Variants in PKP4 observed in about 807,000 individuals in gnomAD.
The protein encoded by PKP4 is plakophilin-4.
Under a neutral mutation model 145.1 loss-of-function variants are expected in PKP4, and 90 were observed. The observed-to-expected ratio is 0.62, with a 90% confidence interval of 0.52 to 0.74. The LOEUF is 0.74. Among genes scored for constraint, PKP4 ranks in the 30% least tolerant of loss-of-function variants. The pLI is 0.00. For missense variants in PKP4, 1,340 were observed against 1,482.7 expected (o/e 0.90, Z 1.58); for synonymous variants, 563 against 577.2 (o/e 0.98, Z 0.35).
At chr2:158,581,752 A>G (rs1315675447) in intron 3 of PKP4, among the ~76,000 whole-genome samples, 6 of 152,234 alleles carry the variant, frequency 3.9e-5, no homozygotes, top group Non-Finnish European at 7.3e-5. Context: ...TCCACCTATC[A>G]GGAAATGTCC....
In PKP4 at chr2:158,566,502, T is replaced by C. The variant is rs115309344; in HGVS notation, c.133-10769T>C. Among the ~76,000 whole-genome samples, 1,266 of 145,678 alleles carry C rather than the reference T, an allele frequency of 8.7e-3. 22 individuals are homozygous for C. The highest frequency in any genetic ancestry group is 0.033 in the African/African-American group (1,208 of 37,038). On this transcript the variant is annotated intron_variant, in intron 2 of 21. Transcript: ENST00000389759. Reference sequence around the variant, plus strand: ...GAAATATATATATATAAAACCCAAATTGTTCATGTTAAGTCATTACTAGTT... The same window carrying C: ...GAAATATATATATATAAAACCCAAACTGTTCATGTTAAGTCATTACTAGTT...
intron 2 of PKP4, among the ~76,000 whole-genome samples, chr2:158,558,045 G>A (rs1432337832): frequency 1.3e-5 from 2 of 152,208 alleles, no homozygotes; most frequent in African/African-American, 4.8e-5. Flanking sequence ...GGGAGCAGCA[G>A]AGGCATGAAG....
intron 3 of PKP4, among the ~76,000 whole-genome samples, chr2:158,578,733 C>A (rs2048077712): frequency 6.6e-6 from 1 of 152,058 alleles, no homozygotes; most frequent in African/African-American, 2.4e-5. Flanking sequence ...CTTATTCTGG[C>A]AATATTACTA....
intron 2 of PKP4, among the ~76,000 whole-genome samples, chr2:158,537,791 G>A (rs2044177380): frequency 6.6e-6 from 1 of 152,156 alleles, no homozygotes; most frequent in African/African-American, 2.4e-5. Flanking sequence ...ACTTTGGGAG[G>A]CTGAGGTGGG....
At chr2:158,509,874 G>C (rs549879043) in intron 1 of PKP4, among the ~76,000 whole-genome samples, 350 of 149,636 alleles carry the variant, frequency 2.3e-3, no homozygotes, top group African/African-American at 7.7e-3. Context: ...TTGAACCCAG[G>C]ACGTGGAGGT....
chr2:158,656,441 C>T (rs2055932281), intron 11 of PKP4, among the ~76,000 whole-genome samples: 1 of 152,086 alleles, frequency 6.6e-6, no homozygotes, highest in Non-Finnish European at 1.5e-5. Flanking sequence ...AAAAGAAGAA[C>T]AGAGCAAGCT....
At position 158,645,523 on chromosome 2, in the gene PKP4, G is replaced by T. The variant is rs147009001; in HGVS notation, c.1909+2824G>T. Among the ~76,000 whole-genome samples the T allele has an allele frequency of 2.0e-3, 298 of 152,244 alleles. 1 individual carries two copies. The highest frequency in any genetic ancestry group is 6.8e-3 in the African/African-American group (283 of 41,546). On this transcript the variant is annotated intron_variant, in intron 11 of 21. Coordinates refer to ENST00000389759, the MANE Select transcript of PKP4 (RefSeq NM_003628.6). ...TGAACTTCCTGTGTCATGTCCAGTT[G>T]TCTTCCCATAGTAACACCGTGCAGC...
intron 17 of PKP4, 40 bp from the exon 18 acceptor site, chr2:158,673,635 CTG>C: frequency 1.4e-6 from 2 of 1,415,790 alleles, no homozygotes; most frequent in South Asian, 1.2e-5. Context: ...GGGGCTGAGG[CTG>C]TGTCACCCAC....
intron 1 of PKP4, among the ~76,000 whole-genome samples, chr2:158,512,049 C>A (rs1207305194): frequency 6.6e-6 from 1 of 152,116 alleles, no homozygotes; most frequent in Non-Finnish European, 1.5e-5. Flanking sequence ...GAAGATAATT[C>A]TATTACATAT....
At chr2:158,558,558 G>T (rs1435955954) in intron 2 of PKP4, among the ~76,000 whole-genome samples, 1 of 152,140 alleles carries the variant, frequency 6.6e-6, no homozygotes, top group Non-Finnish European at 1.5e-5. Flanking sequence ...TAGCCACCAA[G>T]AAATGGTTAG....
intron 17 of PKP4, among the ~76,000 whole-genome samples, chr2:158,670,942 C>T (rs1299875011): frequency 1.3e-5 from 2 of 152,162 alleles, no homozygotes; most frequent in African/African-American, 2.4e-5. Context: ...TGCCTGGTGC[C>T]ATCTCAGAAC....
intron 1 of PKP4, among the ~76,000 whole-genome samples, chr2:158,495,870 TAAATAA>T (rs1695634103): frequency 8.6e-6 from 1 of 116,604 alleles, no homozygotes; most frequent in Admixed American, 9.2e-5. Flanking sequence ...AATAAATAAA[TAAATAA>T]ATAAGAGGGG....
chr2:158,515,610 T>C (rs1024359572), intron 1 of PKP4, among the ~76,000 whole-genome samples: 1 of 152,212 alleles, frequency 6.6e-6, no homozygotes, highest in African/African-American at 2.4e-5. Context: ...ATAAACATCA[T>C]TGGAAAAGCT....
chr2:158,460,722 G>T (rs184134201), intron 1 of PKP4, among the ~76,000 whole-genome samples: 1 of 152,106 alleles, frequency 6.6e-6, no homozygotes, highest in Non-Finnish European at 1.5e-5. Flanking sequence ...GTTACTATAG[G>T]GTTATTTTAG....
chr2:158,677,063 G>C lies in PKP4; in HGVS notation c.3256+196G>C, dbSNP rs2058076146. 4 of 664,742 alleles carry C rather than the reference G, an allele frequency of 6.0e-6. No individual in the cohort carries two copies. The South Asian group carries it at 6.3e-5, about 10-fold the overall frequency. The allele number at this position is 664,742 out of a possible 1,614,324, so 41.2% of individuals were successfully genotyped here. On this transcript the variant is annotated intron_variant, in intron 20 of 21. Coordinates refer to ENST00000389759, the MANE Select transcript of PKP4 (RefSeq NM_003628.6). ...TTTAAAGTAAAACAAGCATGTACTT[G>C]TTTGTATGTATGTATGTATGTAGTT...
intron 1 of PKP4, among the ~76,000 whole-genome samples, chr2:158,513,252 A>G (rs1042865494): frequency 3.9e-5 from 6 of 152,050 alleles, no homozygotes; most frequent in African/African-American, 1.4e-4. Flanking sequence ...TTCCGGTCTT[A>G]TCCTCATTTT....
intron 1 of PKP4, among the ~76,000 whole-genome samples, chr2:158,479,976 G>A (rs1353219734): frequency 2.6e-5 from 4 of 152,104 alleles, no homozygotes; most frequent in Non-Finnish European, 5.9e-5. Context: ...TGTATCCTTC[G>A]TCAGCTGAGG....
At chr2:158,533,108 C>T (rs1270932581) in intron 1 of PKP4, 72 bp from the exon 2 acceptor site, 7 of 1,444,226 alleles carry the variant, frequency 4.8e-6, no homozygotes, top group Non-Finnish European at 6.5e-6. Flanking sequence ...TTGCTAGGAA[C>T]CATCTGTAAA....
At chr2:158,500,044 A>G (rs564806430) in intron 1 of PKP4, among the ~76,000 whole-genome samples, 40 of 152,374 alleles carry the variant, frequency 2.6e-4, no homozygotes, top group African/African-American at 9.6e-4. Context: ...GTCATCCTCA[A>G]TACAAAGTTG....
Sources: gnomAD v4.1 joint callset for allele counts (sites outside exome capture counted in the v4.1 genomes callset) on GRCh38, gnomAD v4.1.1 for gene constraint, MANE v1.5 for transcripts, NCBI Gene and HGNC (gene_info 2026-07-23, HGNC 2026-07-21) for gene names.